FAT4: variants seen among roughly 807,000 people sequenced by gnomAD.
FAT4 encodes protocadherin Fat 4.
FAT4 carries 84 observed loss-of-function variants against 303.9 expected under a neutral mutation model. That is an observed-to-expected ratio of 0.28 (90% CI 0.23 to 0.33). The LOEUF is 0.33. Ranked by LOEUF, FAT4 falls within the 10% of genes least tolerant of loss-of-function variation. The probability of loss-of-function intolerance (pLI) is 1.00; values close to 1 mark genes in which losing one functional copy is unlikely to be tolerated. For missense variants in FAT4, 6,005 were observed against 6,146.8 expected (o/e 0.98, Z 0.77); for synonymous variants, 2,307 against 2,298.8 (o/e 1.00, Z -0.10).
chr4:125,401,866 T>A (rs1734401977), intron 3 of FAT4, among the ~76,000 whole-genome samples: 1 of 151,922 alleles, frequency 6.6e-6, no homozygotes, highest in African/African-American at 2.4e-5. Flanking sequence ...CTTTTAGAAT[T>A]CCTTCTATGT....
At chr4:125,441,468 A>T (rs1426302831) in intron 8 of FAT4, among the ~76,000 whole-genome samples, 1 of 152,190 alleles carries the variant, frequency 6.6e-6, no homozygotes, top group African/African-American at 2.4e-5. Context: ...ATACCATATA[A>T]AAAATTCAAA....
At chr4:125,348,941 G>A (rs1407971430) in intron 2 of FAT4, among the ~76,000 whole-genome samples, 2 of 151,678 alleles carry the variant, frequency 1.3e-5, no homozygotes, top group African/African-American at 4.8e-5. Context: ...GTTTTCAAAA[G>A]TCCAAACAAA....
At chr4:125,372,744 C>G (rs557107364) in intron 2 of FAT4, among the ~76,000 whole-genome samples, 1 of 152,088 alleles carries the variant, frequency 6.6e-6, no homozygotes, top group Non-Finnish European at 1.5e-5. Context: ...AAACTGATTT[C>G]AAAGTGTTTT....
At chr4:125,486,589 A>G (rs916172331) in intron 16 of FAT4, among the ~76,000 whole-genome samples, 1 of 152,174 alleles carries the variant, frequency 6.6e-6, no homozygotes, top group Non-Finnish European at 1.5e-5. Flanking sequence ...CTCATAAATT[A>G]TCTCATTTTC....
intron 8 of FAT4, among the ~76,000 whole-genome samples, chr4:125,436,056 G>T (rs1202821765): frequency 2.0e-5 from 3 of 148,628 alleles, no homozygotes; most frequent in Non-Finnish European, 4.5e-5. Context: ...CGGGGGAGGG[G>T]GGGAGGGATA....
intron 7 of FAT4, among the ~76,000 whole-genome samples, chr4:125,430,790 A>G (rs1269460838): frequency 6.6e-6 from 1 of 152,160 alleles, no homozygotes; most frequent in Non-Finnish European, 1.5e-5. Context: ...AGAATCACCT[A>G]TGGGGCTGAT....
At chr4:125,370,888 G>A (rs1449544892) in intron 2 of FAT4, among the ~76,000 whole-genome samples, 1 of 152,148 alleles carries the variant, frequency 6.6e-6, no homozygotes, top group African/African-American at 2.4e-5. Flanking sequence ...GCTCACGCCT[G>A]TAATCCCAGC....
rs1165691733 is a variant in FAT4 at position 125,320,978 on chromosome 4, A to G, written c.4567A>G (p.Asn1523Asp). The change falls in exon 2 of 18, where the codon AAT becomes GAT. Residue 1523 changes from asparagine to aspartate, a missense_variant. Physicochemically the swap from Asn to Asp is conservative, Grantham distance 23. Coordinates refer to ENST00000394329, the MANE Select transcript of FAT4 (RefSeq NM_001291303.3). Reference sequence around the variant, plus strand: ...CGTGACCATTTTGGTTACAGACCTCAATGACAATGTCCCAATGTTTATATC... The same window carrying G: ...CGTGACCATTTTGGTTACAGACCTCGATGACAATGTCCCAATGTTTATATC... Reference protein sequence around the residue: ...KNVTILVTDLNDNVPMFISQN... With the variant: ...KNVTILVTDLDDNVPMFISQN... 3 of 1,614,198 alleles carry G rather than the reference A, an allele frequency of 1.9e-6. No homozygotes were observed. The highest frequency in any genetic ancestry group is 1.6e-4 in the Middle Eastern group (1 of 6,062).
rs759704480 is a variant in FAT4, at chr4:125,490,347, G to A, written c.13531G>A (p.Val4511Met). Residue 4511 changes from valine (V) to methionine (M), a missense_variant, in exon 18 of 18, where the codon GTG becomes ATG. Physicochemically the swap from Val to Met is conservative, Grantham distance 21. Coordinates refer to ENST00000394329, the MANE Select transcript of FAT4 (RefSeq NM_001291303.3). ...GCCTTTGTGGGCTGTGCCTGCCATCGTGGGCAGCTGCGCAACCGTCTTGGC... is the reference window on the plus strand; with the variant it reads ...GCCTTTGTGGGCTGTGCCTGCCATCATGGGCAGCTGCGCAACCGTCTTGGC... ...SLPLWAVPAI[V>M]GSCATVLALL... 39 of 1,614,020 alleles carry A rather than the reference G, an allele frequency of 2.4e-5. No individual in the cohort carries two copies. Among genetic ancestry groups the A allele is most frequent in the Non-Finnish European group, 3.1e-5 (36 of 1,180,046 alleles).
At chr4:125,447,206 A>G (rs1354241136) in intron 9 of FAT4, among the ~76,000 whole-genome samples, 3 of 152,112 alleles carry the variant, frequency 2.0e-5, no homozygotes, top group African/African-American at 4.8e-5. Context: ...TAAGAACTGC[A>G]CAAATCTGCC....
In FAT4 at chr4:125,318,749, A is replaced by T. The variant is rs1304087704; in HGVS notation, c.2338A>T (p.Thr780Ser). The T allele has an allele frequency of 1.2e-6, 2 of 1,614,048 alleles. No individual in the cohort carries two copies. Among genetic ancestry groups the T allele is most frequent in the South Asian group, 2.2e-5 (2 of 91,072 alleles). The change falls in exon 2 of 18, where the codon ACC (threonine) becomes TCC (serine). Residue 780 changes from threonine (T) to serine (S), a missense_variant. Physicochemically the swap from Thr to Ser is moderately conservative, Grantham distance 58 (BLOSUM62 1). Transcript: ENST00000394329. ...ACAATCTCCCAACCAGGCAATAGTA[A>T]CCATCACTGTATTGGACACTCAAGA... Reference protein sequence around the residue: ...NLQSPNQAIVTITVLDTQDNP... With the variant: ...NLQSPNQAIVSITVLDTQDNP...
At position 125,388,919 on chromosome 4, in the gene FAT4, T is replaced by A. The variant is rs187768819; in HGVS notation, c.5176-9865T>A. Among the ~76,000 whole-genome samples, 238 of 152,292 alleles carry A rather than the reference T, an allele frequency of 1.6e-3. 1 individual carries two copies. The highest frequency in any genetic ancestry group is 5.2e-3 in the African/African-American group (218 of 41,564). On this transcript the variant is annotated intron_variant, in intron 2 of 17. Coordinates refer to ENST00000394329, the MANE Select transcript of FAT4 (RefSeq NM_001291303.3). ...GCCTGTTATTCATACATATTTCTTC[T>A]TAGTAAGAAATGCATCAAAATCCCA...
chr4:125,368,729 C>CTT (rs35704660), intron 2 of FAT4, among the ~76,000 whole-genome samples: 1 of 145,634 alleles, frequency 6.9e-6, no homozygotes. Context: ...ATATCCAAAA[C>CTT]TTTTTTTTTT....
At chr4:125,399,780 C>T (rs1443488732) in intron 3 of FAT4, among the ~76,000 whole-genome samples, 1 of 151,886 alleles carries the variant, frequency 6.6e-6, no homozygotes, top group Non-Finnish European at 1.5e-5. Context: ...ATAAAGCATA[C>T]ACATTTAGGT....
rs1730561103 is a variant in FAT4, at chr4:125,315,891, C to A, written c.-99C>A. Reference sequence around the variant, plus strand: ...GCCTCCAGCTTTTGGGAAAGAAATTCGATTCTCCCGGTTCCCCACCACCCC... The same window carrying A: ...GCCTCCAGCTTTTGGGAAAGAAATTAGATTCTCCCGGTTCCCCACCACCCC... On this transcript the variant is annotated 5_prime_UTR_variant, in exon 1 of 18. Transcript: ENST00000394329. Among the ~76,000 whole-genome samples, 1 of 152,162 alleles carries A rather than the reference C, an allele frequency of 6.6e-6. No homozygotes were observed. Among genetic ancestry groups the A allele is most frequent in the Admixed American group, 6.5e-5 (1 of 15,278 alleles).
Position 125,490,289 on chromosome 4 carries a change from T to C in FAT4, c.13473T>C (p.Cys4491=). 6.2e-7 allele frequency: 1 copy of C among 1,614,112 alleles called. No homozygotes were observed. The highest frequency in any genetic ancestry group is 1.3e-5 in the African/African-American group (1 of 75,022). ...CKAGSPAGHV[C]VLSQGPEEIS... is the part of the protein sequence containing the mutation. ...CTGGAAGTCCTGCGGGGCATGTCTG[T>C]GTTCTGAGTCAGGGCCCTGAAGAGA... is the stretch of plus-strand genomic sequence containing the variant. The change falls in exon 18 of 18, where the codon TGT becomes TGC. Residue 4491 remains cysteine, a synonymous_variant. Coordinates refer to ENST00000394329, the MANE Select transcript of FAT4 (RefSeq NM_001291303.3).
intron 8 of FAT4, among the ~76,000 whole-genome samples, chr4:125,440,861 G>T (rs2126049818): frequency 6.6e-6 from 1 of 152,012 alleles, no homozygotes; most frequent in South Asian, 2.1e-4. Context: ...TAATAATATT[G>T]TCTTGGTTTG....
chr4:125,430,498 T>G (rs957970237), intron 7 of FAT4, among the ~76,000 whole-genome samples: 2 of 152,128 alleles, frequency 1.3e-5, no homozygotes, highest in African/African-American at 4.8e-5. Context: ...AATTTCAGGT[T>G]AATTAAATCT....
Position 125,407,150 on chromosome 4 carries a change from TG to T in FAT4, c.5569+12del. The T allele has an allele frequency of 1.9e-6, 3 of 1,607,182 alleles. No homozygotes were observed. The South Asian group carries it at 3.3e-5, about 18-fold the overall frequency. ...TGAGGACACAATCCCTGGTAGGTGA[TG>T]GGTCTCTTATGTGTATTTTGCAAGA... is the stretch of plus-strand genomic sequence containing the variant. On this transcript the variant is annotated intron_variant, in intron 4 of 17. Transcript: ENST00000394329.
Sources: allele counts gnomAD v4.1 joint callset (sites outside exome capture counted in the v4.1 genomes callset), GRCh38; gene constraint gnomAD v4.1.1; transcripts MANE v1.5; gene names NCBI Gene and HGNC (gene_info 2026-07-23, HGNC 2026-07-21).